MAP9: variants seen among roughly 807,000 people sequenced by gnomAD.
MAP9 encodes the protein microtubule-associated protein 9.
Under a neutral mutation model 75.2 loss-of-function variants are expected in MAP9, and 80 were observed. The observed-to-expected ratio is 1.06, with a 90% CI of 0.89 to 1.28. The LOEUF is 1.28. Ranked by LOEUF, MAP9 falls within the 50% of genes most tolerant of loss-of-function variation. The pLI, the probability that MAP9 is intolerant of heterozygous loss-of-function variation, is 0.00. For synonymous variants in MAP9, 235 were observed against 237.3 expected (o/e 0.99, Z 0.09); for missense variants, 753 against 719.9 (o/e 1.05, Z -0.53).
In MAP9 at chr4:155,362,108, GTGA is replaced by G; in HGVS notation, c.739_741del (p.Ser247del). 6.3e-7 allele frequency: 1 copy of G among 1,596,662 alleles called. No homozygotes were observed. Among genetic ancestry groups the G allele is most frequent in the Non-Finnish European group, 8.5e-7 (1 of 1,174,606 alleles). ...AAAGAATCTCCAAGAATTTGTTTAA[GTGA>G]TGATGATGCTAGACTTGTTAAGCAT... is the stretch of plus-strand genomic sequence containing the variant. On this transcript the variant is annotated inframe_deletion, in exon 6 of 14. Transcript: ENST00000311277.
At chr4:155,374,551 T>A (rs1398373730) in intron 3 of MAP9, among the ~76,000 whole-genome samples, 1 of 152,166 alleles carries the variant, frequency 6.6e-6, no homozygotes, top group African/African-American at 2.4e-5. Context: ...GCACTTCTAA[T>A]GTGCACCGAA....
chr4:155,363,404 T>TA (rs1458718615), intron 5 of MAP9: 8 of 151,990 alleles, frequency 5.3e-5, no homozygotes, highest in Non-Finnish European at 1.2e-4. Context: ...GACACTTATT[T>TA]AAAAAACAAA....
chr4:155,342,928 AATG>A lies in MAP9; in HGVS notation c.*4852_*4854del, dbSNP rs1415070754. ...TTTAATGCGGTCCATCATTTCTAAT[AATG>A]ATATTGGCTACAAGAATAATGATCA... On this transcript the variant is annotated 3_prime_UTR_variant, in exon 14 of 14. Coordinates refer to ENST00000311277, the MANE Select transcript of MAP9 (RefSeq NM_001039580.2). 3.9e-5 allele frequency: 6 copies of A among 152,058 alleles called. No homozygotes were observed. The highest frequency in any genetic ancestry group is 7.2e-5 in the African/African-American group (3 of 41,440). 9.4% of individuals were successfully genotyped at this position (152,058 alleles called of 1,614,324 possible). A position where few individuals can be genotyped will look rare whatever the true frequency, so the allele number is the denominator to read the frequency against.
chr4:155,357,761 CAGAG>C (rs1731864839), intron 7 of MAP9, among the ~76,000 whole-genome samples: 4 of 151,918 alleles, frequency 2.6e-5, no homozygotes, highest in Non-Finnish European at 5.9e-5. Flanking sequence ...TGTGCAGTGA[CAGAG>C]AATGACTAGA....
At chr4:155,348,921 AT>A (rs1731387044) in intron 13 of MAP9, among the ~76,000 whole-genome samples, 1 of 152,168 alleles carries the variant, frequency 6.6e-6, no homozygotes, top group Admixed American at 6.6e-5. Context: ...AATAAAAATA[AT>A]TTTTTAAAAT....
At chr4:155,376,027 T>TGGACTAGTTACTAACTAGCTGTAGC in intron 1 of MAP9, 113 bp from the exon 2 acceptor site, 1 of 439,190 alleles carries the variant, frequency 2.3e-6, no homozygotes. Flanking sequence ...AACATTGGGC[T>TGGACTAGTTACTAACTAGCTGTAGC]ACATCTTCAC....
intron 5 of MAP9, among the ~76,000 whole-genome samples, chr4:155,366,421 A>T (rs935981604): frequency 6.6e-6 from 1 of 152,160 alleles, no homozygotes; most frequent in African/African-American, 2.4e-5. Flanking sequence ...ACTGAAAATC[A>T]ATTAAACAAA....
chr4:155,365,492 A>AT (rs759705156), intron 5 of MAP9, among the ~76,000 whole-genome samples: 94 of 152,150 alleles, frequency 6.2e-4, no homozygotes, highest in Non-Finnish European at 1.3e-3. Flanking sequence ...TCTGAATGAT[A>AT]TTACCAACCA....
chr4:155,366,075 AAGAGGCC>A (rs1420488331), intron 5 of MAP9, among the ~76,000 whole-genome samples: 1 of 152,154 alleles, frequency 6.6e-6, no homozygotes, highest in African/African-American at 2.4e-5. Flanking sequence ...AAGAAAGTAA[AAGAGGCC>A]AGGCGCCGTG....
chr4:155,360,392 T>C lies in MAP9; in HGVS notation c.826A>G (p.Asn276Asp). Residue 276 changes from asparagine (N) to aspartate (D), a missense_variant, in exon 7 of 14, where the codon AAC becomes GAC. Coordinates refer to ENST00000311277, the MANE Select transcript of MAP9 (RefSeq NM_001039580.2). ...TCATCTGATTTCAAGGAATTATGGT[T>C]TTCAGTGATTTCTTCATTTGGATCT... ...GKDPNEEITE[N>D]HNSLKSDENK... The C allele has an allele frequency of 1.2e-6, 2 of 1,611,144 alleles. No homozygotes were observed. Among genetic ancestry groups the C allele is most frequent in the Non-Finnish European group, 1.7e-6 (2 of 1,178,512 alleles).
chr4:155,350,206 A>G (rs1288113023), intron 13 of MAP9: 1 of 448,164 alleles, frequency 2.2e-6, no homozygotes, highest in Non-Finnish European at 4.4e-6. Flanking sequence ...TGAAGTCATT[A>G]GACTCCTATA....
chr4:155,375,871 CT>C lies in MAP9; in HGVS notation c.-22del. 6.5e-7 allele frequency: 1 copy of C among 1,543,222 alleles called. No homozygotes were observed. The highest frequency in any genetic ancestry group is 8.9e-7 in the Non-Finnish European group (1 of 1,121,958). On this transcript the variant is annotated 5_prime_UTR_variant, in exon 2 of 14. Coordinates refer to ENST00000311277, the MANE Select transcript of MAP9 (RefSeq NM_001039580.2). The stretch of plus-strand genomic sequence containing the variant: ...GACATAGTGTATTTTTTCTCGTTAC[CT>C]TTATAAAATAGCTAATTATTAGAAT...
At chr4:155,373,481 T>G in intron 3 of MAP9, 25 bp from the exon 4 acceptor site, 1 of 1,408,134 alleles carries the variant, frequency 7.1e-7, no homozygotes, top group Non-Finnish European at 9.4e-7. Flanking sequence ...AGAAAAATGT[T>G]TTCAACAGTA....
intron 3 of MAP9, among the ~76,000 whole-genome samples, chr4:155,374,212 A>T (rs189870569): frequency 2.6e-5 from 4 of 152,114 alleles, no homozygotes; most frequent in Non-Finnish European, 5.9e-5. Context: ...GGTGGCGGGC[A>T]CCTGTAGTCC....
chr4:155,353,899 C>A (rs377660158), intron 10 of MAP9, among the ~76,000 whole-genome samples: 44 of 152,134 alleles, frequency 2.9e-4, no homozygotes, highest in African/African-American at 1.0e-3. Context: ...GACTGTATAG[C>A]AAGTTATGTT....
At chr4:155,372,164 T>C (rs1732629923) in intron 4 of MAP9, among the ~76,000 whole-genome samples, 1 of 152,184 alleles carries the variant, frequency 6.6e-6, no homozygotes, top group South Asian at 2.1e-4. Flanking sequence ...CCTTTGCTCA[T>C]TTCAAAGTTA....
At position 155,375,141 on chromosome 4, in the gene MAP9, T is replaced by A. The variant is rs114021281; in HGVS notation, c.76-120A>T. On this transcript the variant is annotated intron_variant, in intron 2 of 13. Coordinates refer to ENST00000311277, the MANE Select transcript of MAP9 (RefSeq NM_001039580.2). ...CTTTCAAACTTAGGTTTCATTCATCTAACAAATATTTCCTGCAAGCTCACT... is the reference window on the plus strand; with the variant it reads ...CTTTCAAACTTAGGTTTCATTCATCAAACAAATATTTCCTGCAAGCTCACT... The A allele has an allele frequency of 5.8e-4, 386 of 662,842 alleles. No individual in the cohort carries two copies. The African/African-American group carries it at 6.2e-3, about 11-fold the overall frequency. 41.1% of individuals were successfully genotyped at this position (662,842 alleles called of 1,614,324 possible).
At chr4:155,349,905 A>C in intron 13 of MAP9, 1 of 158,102 alleles carries the variant, frequency 6.3e-6, no homozygotes, top group Non-Finnish European at 1.4e-5. Context: ...TAGCAAATAG[A>C]CAATTATATT....
At chr4:155,373,099 T>C (rs763258084) in intron 4 of MAP9, 37 bp downstream of exon 4, 1 of 1,376,994 alleles carries the variant, frequency 7.3e-7, no homozygotes, top group Admixed American at 2.5e-5. Flanking sequence ...AAAATAAACT[T>C]CCAAGAAATG....
Sources: allele counts gnomAD v4.1 joint callset (sites outside exome capture counted in the v4.1 genomes callset), GRCh38; gene constraint gnomAD v4.1.1; transcripts MANE v1.5; gene names NCBI Gene and HGNC (gene_info 2026-07-23, HGNC 2026-07-21).